DCC: variants seen among roughly 807,000 people sequenced by gnomAD.
The protein encoded by DCC is netrin receptor DCC.
DCC carries 58 observed loss-of-function variants against 172.5 expected under a neutral mutation model. The ratio of observed to expected loss-of-function variants is 0.34; its 90% confidence interval spans 0.27 to 0.42. The LOEUF (loss-of-function observed/expected upper bound fraction) is 0.42. Ranked by LOEUF, DCC falls within the 10% of genes least tolerant of loss-of-function variation. The pLI, the probability that DCC is intolerant of heterozygous loss-of-function variation, is 1.00. For missense variants in DCC, 1,740 were observed against 1,791.0 expected (o/e 0.97, Z 0.51); for synonymous variants, 709 against 644.5 (o/e 1.10, Z -1.52).
intron 2 of DCC, among the ~76,000 whole-genome samples, chr18:52,862,041 A>G (rs946135570): frequency 2.0e-5 from 3 of 152,220 alleles, no homozygotes; most frequent in Non-Finnish European, 4.4e-5. Context: ...CATAATTGTG[A>G]CTGATAACAT....
chr18:52,921,310 A>T (rs1445806829), intron 3 of DCC, among the ~76,000 whole-genome samples: 1 of 152,202 alleles, frequency 6.6e-6, no homozygotes, highest in Non-Finnish European at 1.5e-5. Context: ...TGAACTATCT[A>T]TCTGTTCAAC....
chr18:53,520,339 C>A (rs969067795), intron 27 of DCC, among the ~76,000 whole-genome samples: 5 of 152,146 alleles, frequency 3.3e-5, no homozygotes, highest in African/African-American at 1.2e-4. Flanking sequence ...CTGACGACTA[C>A]ATTGCCTTCT....
At chr18:52,568,406 T>C (rs1305094564) in intron 1 of DCC, among the ~76,000 whole-genome samples, 1 of 152,032 alleles carries the variant, frequency 6.6e-6, no homozygotes, top group African/African-American at 2.4e-5. Context: ...AAACAAACTA[T>C]TGCCATAAGC....
chr18:52,342,211 T>C (rs1311717009), intron 1 of DCC, among the ~76,000 whole-genome samples: 4 of 152,126 alleles, frequency 2.6e-5, no homozygotes, highest in African/African-American at 4.8e-5. Flanking sequence ...GCGCTTGCAC[T>C]CGGGCTCAGC....
chr18:52,522,030 A>T (rs766956944), intron 1 of DCC, among the ~76,000 whole-genome samples: 6 of 152,210 alleles, frequency 3.9e-5, no homozygotes, highest in Non-Finnish European at 8.8e-5. Flanking sequence ...AGAGCAATGG[A>T]ATAGAAATGC....
At chr18:53,153,537 G>T (rs1362947198) in intron 7 of DCC, among the ~76,000 whole-genome samples, 1 of 152,110 alleles carries the variant, frequency 6.6e-6, no homozygotes, top group East Asian at 1.9e-4. Flanking sequence ...GTCTCCGATA[G>T]AATTTTTTCA....
intron 15 of DCC, among the ~76,000 whole-genome samples, chr18:53,377,373 G>GAC (rs1555661119): frequency 4.6e-5 from 7 of 151,808 alleles, no homozygotes; most frequent in African/African-American, 1.7e-4. Flanking sequence ...GAGAGAGAGA[G>GAC]AGAGAGAGAG....
At chr18:53,427,933 A>T (rs1247225190) in intron 21 of DCC, among the ~76,000 whole-genome samples, 1 of 43,274 alleles carries the variant, frequency 2.3e-5, no homozygotes, top group Non-Finnish European at 6.6e-5. Context: ...ATATAATATA[A>T]TATAATATAT....
At chr18:52,964,181 A>G (rs2040891374) in intron 5 of DCC, among the ~76,000 whole-genome samples, 1 of 152,198 alleles carries the variant, frequency 6.6e-6, no homozygotes, top group Middle Eastern at 3.2e-3. Context: ...TTACCTAAGG[A>G]GACTTGGAAA....
At chr18:52,741,505 C>A (rs1425806798) in intron 1 of DCC, among the ~76,000 whole-genome samples, 2 of 152,096 alleles carry the variant, frequency 1.3e-5, no homozygotes, top group Non-Finnish European at 2.9e-5. Context: ...GCCAGTAGCA[C>A]CCCTCTCAGT....
chr18:52,454,060 A>G (rs1423906448), intron 1 of DCC, among the ~76,000 whole-genome samples: 1 of 152,214 alleles, frequency 6.6e-6, no homozygotes, highest in Non-Finnish European at 1.5e-5. Flanking sequence ...TGATATACCC[A>G]TGTAACAATT....
intron 1 of DCC, among the ~76,000 whole-genome samples, chr18:52,684,371 G>A (rs577631074): frequency 9.6e-5 from 10 of 103,894 alleles, no homozygotes; most frequent in Middle Eastern, 5.1e-3. Context: ...CTACTTCAAA[G>A]CTAATTTCTT....
At chr18:53,378,142 A>G (rs1349663681) in intron 15 of DCC, among the ~76,000 whole-genome samples, 2 of 151,648 alleles carry the variant, frequency 1.3e-5, no homozygotes, top group Non-Finnish European at 2.9e-5. Context: ...TTCTATTTTT[A>G]TTAGAAACAG....
chr18:52,521,067 G>A (rs764304233), intron 1 of DCC, among the ~76,000 whole-genome samples: 6 of 152,040 alleles, frequency 3.9e-5, no homozygotes, highest in Non-Finnish European at 7.4e-5. Context: ...AAATTCTGTT[G>A]AGAGAATTCA....
At chr18:53,383,912 A>G (rs1424866902) in intron 15 of DCC, among the ~76,000 whole-genome samples, 1 of 152,110 alleles carries the variant, frequency 6.6e-6, no homozygotes, top group Non-Finnish European at 1.5e-5. Flanking sequence ...CAAAATAATA[A>G]AAGTGTCAAC....
chr18:52,556,570 C>G (rs906629041), intron 1 of DCC, among the ~76,000 whole-genome samples: 1 of 152,084 alleles, frequency 6.6e-6, no homozygotes, highest in East Asian at 1.9e-4. Context: ...AAGGGCAGAA[C>G]TCATGATTAG....
At chr18:53,275,540 A>G (rs1470676756) in intron 12 of DCC, among the ~76,000 whole-genome samples, 1 of 152,130 alleles carries the variant, frequency 6.6e-6, no homozygotes, top group African/African-American at 2.4e-5. Context: ...AGTTCACTGT[A>G]TTACAGTATA....
intron 1 of DCC, among the ~76,000 whole-genome samples, chr18:52,712,153 G>A (rs1049255793): frequency 6.6e-6 from 1 of 152,086 alleles, no homozygotes; most frequent in African/African-American, 2.4e-5. Context: ...TAGAGACGGG[G>A]TTTCACCATG....
chr18:53,020,171 A>C (rs115043377), intron 5 of DCC, among the ~76,000 whole-genome samples: 170 of 152,242 alleles, frequency 1.1e-3, no homozygotes, highest in African/African-American at 4.0e-3. Flanking sequence ...GAAAAGCCAG[A>C]TATTTATATT....
Sources: allele counts gnomAD v4.1 joint callset (sites outside exome capture counted in the v4.1 genomes callset), GRCh38; gene constraint gnomAD v4.1.1; transcripts MANE v1.5; gene names NCBI Gene and HGNC (gene_info 2026-07-23, HGNC 2026-07-21).